The following NTNG1 variants were observed in gnomAD, a reference collection of about 807,000 sequenced individuals.
NTNG1 encodes netrin-G1.
Under a neutral mutation model 54.0 loss-of-function variants are expected in NTNG1, and 16 were observed. The ratio of observed to expected loss-of-function variants is 0.30; its 90% CI spans 0.20 to 0.45. The LOEUF is 0.45. Ranked by LOEUF, NTNG1 falls within the 20% of genes least tolerant of loss-of-function variation. NTNG1 has a pLI of 1.00. For missense variants in NTNG1, 530 were observed against 678.7 expected, an observed-to-expected ratio of 0.78 and a Z score of 2.43; for synonymous variants, 255 against 263.1, an observed-to-expected ratio of 0.97 and a Z score of 0.30.
At chr1:107,394,773 A>T (rs996173063) in intron 3 of NTNG1, among the ~76,000 whole-genome samples, 1 of 152,244 alleles carries the variant, frequency 6.6e-6, no homozygotes. Context: ...AACCCAAACG[A>T]AGCCCAGATG....
intron 7 of NTNG1, chr1:107,460,426 G>A (rs1208570503): frequency 1.9e-6 from 1 of 518,508 alleles, no homozygotes; most frequent in Admixed American, 1.9e-5. Flanking sequence ...TTACACTTTG[G>A]GAAAACTTTG....
chr1:107,233,021 A>T (rs1324431416), intron 2 of NTNG1, among the ~76,000 whole-genome samples: 1 of 152,178 alleles, frequency 6.6e-6, no homozygotes. Flanking sequence ...TATCATTTTA[A>T]TTGCATTTCC....
intron 5 of NTNG1, among the ~76,000 whole-genome samples, chr1:107,414,227 C>A (rs1674042239): frequency 6.6e-6 from 1 of 152,018 alleles, no homozygotes; most frequent in Admixed American, 6.6e-5. Flanking sequence ...TCCTTGGGTG[C>A]AGAAGAGCAA....
chr1:107,235,736 G>T (rs1272210666), intron 2 of NTNG1, among the ~76,000 whole-genome samples: 1 of 152,144 alleles, frequency 6.6e-6, no homozygotes, highest in Non-Finnish European at 1.5e-5. Flanking sequence ...ATCTAATAGA[G>T]AAAGAAATAG....
At chr1:107,324,206 A>T (rs1667814660) in intron 2 of NTNG1, 76 bp from the exon 3 acceptor site, 1 of 1,369,998 alleles carries the variant, frequency 7.3e-7, no homozygotes, top group Admixed American at 1.9e-5. Flanking sequence ...CTAGCCTCTT[A>T]CTGAGCAACA....
intron 2 of NTNG1, among the ~76,000 whole-genome samples, chr1:107,169,239 G>A (rs77100740): frequency 0.022 from 3,335 of 152,190 alleles, 106 homozygotes; most frequent in African/African-American, 0.076. Flanking sequence ...AAGGAAATTT[G>A]GAGAATTACT....
At chr1:107,418,323 A>T (rs1004577704) in intron 5 of NTNG1, among the ~76,000 whole-genome samples, 2 of 152,018 alleles carry the variant, frequency 1.3e-5, no homozygotes, top group Non-Finnish European at 2.9e-5. Flanking sequence ...TGTGTGTAAG[A>T]ACACTCTACC....
chr1:107,463,258 G>T (rs762946175), intron 7 of NTNG1, among the ~76,000 whole-genome samples: 2 of 152,196 alleles, frequency 1.3e-5, no homozygotes, highest in African/African-American at 2.4e-5. Context: ...AACTGATAAA[G>T]GTTGGAAATC....
chr1:107,247,998 C>G (rs967695287), intron 2 of NTNG1, among the ~76,000 whole-genome samples: 1 of 152,200 alleles, frequency 6.6e-6, no homozygotes, highest in Non-Finnish European at 1.5e-5. Context: ...TCCCATAGAA[C>G]TAGGAGTGGT....
At position 107,191,566 on chromosome 1, in the gene NTNG1, A is replaced by G. The variant is rs1180678282; in HGVS notation, c.246+42727A>G. Among the ~76,000 whole-genome samples, 7 of 152,224 alleles carry G rather than the reference A, an allele frequency of 4.6e-5. No individual in the cohort carries two copies. In the East Asian group the frequency reaches 1.4e-3, roughly 29 times the overall value. ...TAGGGTTTTTATGGTTTTAGGTCTA[A>G]CATTTAAGTCTTTAATCCAGCTTGA... On this transcript the variant is annotated intron_variant, in intron 2 of 7. Coordinates refer to ENST00000370068, the MANE Select transcript of NTNG1 (RefSeq NM_001113226.3).
At chr1:107,178,997 A>G (rs1472072576) in intron 2 of NTNG1, among the ~76,000 whole-genome samples, 1 of 152,142 alleles carries the variant, frequency 6.6e-6, no homozygotes, top group African/African-American at 2.4e-5. Flanking sequence ...TCATATTTCA[A>G]TATGTCCAAG....
intron 3 of NTNG1, among the ~76,000 whole-genome samples, chr1:107,383,752 A>G (rs1440851807): frequency 6.6e-6 from 1 of 152,168 alleles, no homozygotes; most frequent in East Asian, 1.9e-4. Context: ...AGCTCTTAAC[A>G]CTATGTTACC....
At chr1:107,375,386 G>T (rs1671168871) in intron 3 of NTNG1, among the ~76,000 whole-genome samples, 1 of 152,162 alleles carries the variant, frequency 6.6e-6, no homozygotes, top group Non-Finnish European at 1.5e-5. Flanking sequence ...AAAACGTTTC[G>T]TATATTTTGT....
chr1:107,428,955 T>A (rs574365900), intron 5 of NTNG1, among the ~76,000 whole-genome samples: 15 of 152,222 alleles, frequency 9.9e-5, no homozygotes, highest in Admixed American at 9.2e-4. Context: ...TATGGATATT[T>A]CCTTACACTG....
At chr1:107,220,376 G>C (rs1660262267) in intron 2 of NTNG1, among the ~76,000 whole-genome samples, 1 of 152,212 alleles carries the variant, frequency 6.6e-6, no homozygotes. Flanking sequence ...GGTAGTTCTT[G>C]GAGCACAAGT....
intron 2 of NTNG1, among the ~76,000 whole-genome samples, chr1:107,314,100 A>C (rs75878433): frequency 0.056 from 8,507 of 152,194 alleles, 800 homozygotes; most frequent in African/African-American, 0.19. Flanking sequence ...CCTCCCATTC[A>C]AATCTGCTCT....
chr1:107,167,329 TAC>T (rs1315830337), intron 2 of NTNG1, among the ~76,000 whole-genome samples: 1 of 151,932 alleles, frequency 6.6e-6, no homozygotes, highest in Non-Finnish European at 1.5e-5. Context: ...ACATCGGCAT[TAC>T]CTTTTCCACA....
intron 2 of NTNG1, among the ~76,000 whole-genome samples, chr1:107,310,971 T>A (rs973849533): frequency 2.0e-4 from 31 of 152,142 alleles, no homozygotes; most frequent in African/African-American, 7.5e-4. Context: ...CATTAGCTTA[T>A]AATGAATCAA....
intron 3 of NTNG1, among the ~76,000 whole-genome samples, chr1:107,343,740 T>C (rs1305810591): frequency 6.6e-6 from 1 of 152,124 alleles, no homozygotes; most frequent in Admixed American, 6.6e-5. Flanking sequence ...AGGCTTTTTA[T>C]TTGTTAAAAA....
Sources: gnomAD v4.1 joint callset for allele counts (sites outside exome capture counted in the v4.1 genomes callset) on GRCh38, gnomAD v4.1.1 for gene constraint, MANE v1.5 for transcripts, NCBI Gene and HGNC (gene_info 2026-07-23, HGNC 2026-07-21) for gene names.